MPDZ: variants seen among roughly 807,000 people sequenced by gnomAD.
MPDZ encodes multiple PDZ domain protein.
Under a neutral mutation model 239.1 loss-of-function variants are expected in MPDZ, and 234 were observed. That is an observed-to-expected ratio of 0.98 (90% confidence interval 0.88 to 1.09). The LOEUF is 1.09. Ranked by LOEUF, MPDZ falls within the 50% of genes least tolerant of loss-of-function variation. The probability of loss-of-function intolerance (pLI) is 0.00; values close to 1 mark genes in which losing one functional copy is unlikely to be tolerated. For missense variants in MPDZ, 3,175 were observed against 2,510.0 expected, an observed-to-expected ratio of 1.26 and a Z score of -5.66; for synonymous variants, 1,048 against 881.3, an observed-to-expected ratio of 1.19 and a Z score of -3.35.
At chr9:13,129,486 A>C (rs1945624727) in intron 32 of MPDZ, among the ~76,000 whole-genome samples, 1 of 151,652 alleles carries the variant, frequency 6.6e-6, no homozygotes, top group South Asian at 2.1e-4. Flanking sequence ...TAAATAAATA[A>C]ATAAATAAAA....
intron 12 of MPDZ, among the ~76,000 whole-genome samples, chr9:13,197,069 G>C (rs1047016849): frequency 1.3e-5 from 2 of 151,692 alleles, no homozygotes; most frequent in African/African-American, 2.4e-5. Context: ...ATATCCAGGA[G>C]CTTTCATTCC....
At chr9:13,216,347 C>A (rs1256693797) in intron 10 of MPDZ, among the ~76,000 whole-genome samples, 36 of 148,364 alleles carry the variant, frequency 2.4e-4, no homozygotes, top group Non-Finnish European at 5.2e-4. Context: ...GCAGCCGCGG[C>A]CATAAAGCCA....
At position 13,247,738 on chromosome 9, in the gene MPDZ, A is replaced by G; in HGVS notation, c.80T>C (p.Val27Ala). The change falls in exon 3 of 47, where the codon GTA becomes GCA. Residue 27 changes from valine (V) to alanine (A), a missense_variant. Physicochemically the swap from Val to Ala is moderately conservative, Grantham distance 64. Coordinates refer to ENST00000319217, the MANE Select transcript of MPDZ (RefSeq NM_001378778.1). ...LQTKLRERGD[V>A]ANEDKLSLLK... ...AAGGCTCAGTTTGTCTTCATTTGCT[A>G]CATCCCCACGTTCTCGCAGCTTGGT... 1.2e-6 allele frequency: 2 copies of G among 1,613,468 alleles called. No homozygotes were observed. The highest frequency in any genetic ancestry group is 1.7e-6 in the Non-Finnish European group (2 of 1,179,496).
At chr9:13,110,783 T>C (rs1175159296) in intron 43 of MPDZ, 43 bp from the exon 44 acceptor site, 1 of 1,469,952 alleles carries the variant, frequency 6.8e-7, no homozygotes, top group Non-Finnish European at 9.4e-7. Flanking sequence ...AAAGCAGCCA[T>C]GGAGAGTGGG....
intron 10 of MPDZ, among the ~76,000 whole-genome samples, chr9:13,211,480 C>A (rs1369336845): frequency 6.6e-6 from 1 of 151,958 alleles, no homozygotes; most frequent in Non-Finnish European, 1.5e-5. Context: ...AACACTCCAG[C>A]CAAATGAGTT....
At chr9:13,223,468 A>AT in intron 5 of MPDZ, 103 bp downstream of exon 5, 1 of 1,350,208 alleles carries the variant, frequency 7.4e-7, no homozygotes, top group Non-Finnish European at 9.8e-7. Flanking sequence ...ATTATGTTCA[A>AT]TTTTTTGTTG....
chr9:13,263,394 CAA>C (rs1218234444), intron 1 of MPDZ, among the ~76,000 whole-genome samples: 77 of 79,316 alleles, frequency 9.7e-4, no homozygotes, highest in Admixed American at 1.0e-3. Context: ...CCTTGTTTGG[CAA>C]AAAAAAAAAA....
At chr9:13,203,956 C>A (rs1240317097) in intron 12 of MPDZ, among the ~76,000 whole-genome samples, 4 of 152,064 alleles carry the variant, frequency 2.6e-5, no homozygotes, top group Non-Finnish European at 4.4e-5. Flanking sequence ...TAAATAATTT[C>A]TTTACTTATT....
chr9:13,209,913 G>A (rs1957417458), intron 10 of MPDZ, among the ~76,000 whole-genome samples: 3 of 151,848 alleles, frequency 2.0e-5, no homozygotes, highest in Admixed American at 2.0e-4. Context: ...GAGACTCATA[G>A]GCTGAGCTAG....
chr9:13,110,069 G>A lies in MPDZ; in HGVS notation c.5830-5C>T, dbSNP rs774310674. Reference sequence around the variant, plus strand: ...CACGTCTCCTCCAGCAACCACCTGCGCACAGGAGGAGGATAAACAGAAAAA... The same window carrying A: ...CACGTCTCCTCCAGCAACCACCTGCACACAGGAGGAGGATAAACAGAAAAA... On this transcript the variant is annotated splice_polypyrimidine_tract_variant and splice_region_variant and intron_variant, in intron 44 of 46. Transcript: ENST00000319217. 8.7e-6 allele frequency: 14 copies of A among 1,607,094 alleles called. No individual in the cohort carries two copies. Among genetic ancestry groups the A allele is most frequent in the Middle Eastern group, 1.6e-4 (1 of 6,078 alleles).
chr9:13,117,043 A>T (rs1412471789), intron 39 of MPDZ, among the ~76,000 whole-genome samples: 2 of 152,176 alleles, frequency 1.3e-5, no homozygotes, highest in African/African-American at 4.8e-5. Flanking sequence ...TTTTTCCTAT[A>T]TATAAGGTTT....
chr9:13,219,501 TG>T, intron 8 of MPDZ, 57 bp downstream of exon 8: 1 of 1,455,108 alleles, frequency 6.9e-7, no homozygotes, highest in Non-Finnish European at 9.5e-7. Flanking sequence ...TAAACATCAC[TG>T]TCGTCATCTA....
chr9:13,119,591 C>T lies in MPDZ; in HGVS notation c.5290G>A (p.Gly1764Arg), dbSNP rs377471452. 57 of 1,613,982 alleles carry T rather than the reference C, an allele frequency of 3.5e-5. No homozygotes were observed. Among genetic ancestry groups the T allele is most frequent in the African/African-American group, 2.7e-4 (20 of 75,042 alleles). ...IVKGGIADAD[G>R]RLMQGDQILM... ...ATCTGGTCTCCCTGCATCAGTCTTC[C>T]ATCGGCATCTGCAATTCCTCCTTTG... Residue 1764 changes from glycine (G) to arginine (R), a missense_variant, in exon 39 of 47, where the codon GGA becomes AGA. Physicochemically the swap from Gly to Arg is moderately radical, Grantham distance 125. Coordinates refer to ENST00000319217, the MANE Select transcript of MPDZ (RefSeq NM_001378778.1).
chr9:13,188,054 C>T (rs1954373184), intron 17 of MPDZ, among the ~76,000 whole-genome samples: 2 of 152,140 alleles, frequency 1.3e-5, no homozygotes, highest in South Asian at 4.1e-4. Flanking sequence ...AATTTAGCAA[C>T]TTGAAGCCAC....
In MPDZ at chr9:13,176,349, CTGGGTATA is replaced by C; in HGVS notation, c.2710_2717del (p.Tyr904GlufsTer8). The C allele has an allele frequency of 6.2e-7, 1 of 1,607,560 alleles. No homozygotes were observed. ...TCTCATCCTGTCTTTGCAGGAGATT[CTGGGTATA>C]TAGTTCCTCCAGAGACATATGCAGA... is the stretch of plus-strand genomic sequence containing the variant. On this transcript the variant is annotated frameshift_variant, in exon 20 of 47. Transcript: ENST00000319217. LOFTEE classifies it high-confidence loss of function.
chr9:13,184,813 A>T (rs1587613343), intron 18 of MPDZ, among the ~76,000 whole-genome samples: 2 of 152,106 alleles, frequency 1.3e-5, no homozygotes, highest in East Asian at 3.9e-4. Context: ...TACTGTAGAG[A>T]TAAAACACTA....
rs151326943 is a variant in MPDZ, at chr9:13,241,882, G to A, written c.183+5753C>T. Among the ~76,000 whole-genome samples, 1,272 of 152,208 alleles carry A rather than the reference G, an allele frequency of 8.4e-3. 9 individuals are homozygous for A. The highest frequency in any genetic ancestry group is 0.014 in the Middle Eastern group (4 of 294). On this transcript the variant is annotated intron_variant, in intron 3 of 46. Coordinates refer to ENST00000319217, the MANE Select transcript of MPDZ (RefSeq NM_001378778.1). ...CCTCAGACATGTCCTGGTATAGTGT[G>A]TGTTCCACCTAACAAACTCTGCTTA... is the stretch of plus-strand genomic sequence containing the variant.
At chr9:13,194,536 G>C (rs1412992323) in intron 13 of MPDZ, among the ~76,000 whole-genome samples, 1 of 152,014 alleles carries the variant, frequency 6.6e-6, no homozygotes, top group East Asian at 1.9e-4. Flanking sequence ...TCACACACTA[G>C]GGCCTGTAGG....
At chr9:13,137,506 T>G (rs1223965321) in intron 29 of MPDZ, among the ~76,000 whole-genome samples, 1 of 152,194 alleles carries the variant, frequency 6.6e-6, no homozygotes, top group African/African-American at 2.4e-5. Context: ...ATTTATTTTG[T>G]TCGGCAGGCT....
Sources: allele counts gnomAD v4.1 joint callset (sites outside exome capture counted in the v4.1 genomes callset), GRCh38; gene constraint gnomAD v4.1.1; transcripts MANE v1.5; gene names NCBI Gene and HGNC (gene_info 2026-07-23, HGNC 2026-07-21).